Variants in NIBAN1 observed in about 807,000 individuals in gnomAD.
The protein encoded by NIBAN1 is niban apoptosis regulator 1, also known as protein Niban 1.
NIBAN1 carries 81 observed loss-of-function variants against 75.1 expected under a neutral mutation model. The observed-to-expected ratio is 1.08, with a 90% CI of 0.90 to 1.30. NIBAN1 has a LOEUF of 1.30. Among genes scored for constraint, NIBAN1 ranks in the 50% most tolerant of loss-of-function variants. The pLI is 0.00. For synonymous variants in NIBAN1, 436 were observed against 424.8 expected, an observed-to-expected ratio of 1.03 and a Z score of -0.32; for missense variants, 1,133 against 1,128.1, an observed-to-expected ratio of 1.00 and a Z score of -0.06.
chr1:184,826,978 GT>G (rs1654858778), intron 6 of NIBAN1, among the ~76,000 whole-genome samples: 2 of 152,188 alleles, frequency 1.3e-5, no homozygotes, highest in African/African-American at 4.8e-5. Flanking sequence ...CCTAGGGGCT[GT>G]TTCCCCCATA....
rs529883727 is a variant in NIBAN1 at position 184,903,110 on chromosome 1, C to T, written c.56-3801G>A. ...ATATCCCTGTCACCAAATTTAGTAT[C>T]ACATTCTCTTTCCTAAATTGTTTAT... On this transcript the variant is annotated intron_variant, in intron 1 of 13. Coordinates refer to ENST00000367511, the MANE Select transcript of NIBAN1 (RefSeq NM_052966.4). Among the ~76,000 whole-genome samples the T allele has an allele frequency of 2.6e-5, 4 of 152,318 alleles. No homozygotes were observed. In the East Asian group the frequency reaches 7.7e-4, roughly 29 times the overall value.
chr1:184,922,110 A>G (rs559193433), intron 1 of NIBAN1, among the ~76,000 whole-genome samples: 1 of 152,054 alleles, frequency 6.6e-6, no homozygotes, highest in East Asian at 1.9e-4. Flanking sequence ...TTAATTTTTA[A>G]TTTTTGTGGG....
chr1:184,911,794 C>T (rs1255849217), intron 1 of NIBAN1, among the ~76,000 whole-genome samples: 2 of 152,126 alleles, frequency 1.3e-5, no homozygotes, highest in Non-Finnish European at 2.9e-5. Context: ...ACTATAACAA[C>T]AGTTTGGTGT....
intron 1 of NIBAN1, among the ~76,000 whole-genome samples, chr1:184,941,048 C>T (rs868512784): frequency 1.3e-5 from 2 of 152,192 alleles, no homozygotes; most frequent in Non-Finnish European, 2.9e-5. Flanking sequence ...ATTTGATATA[C>T]ATTGCATTGA....
intron 5 of NIBAN1, among the ~76,000 whole-genome samples, chr1:184,857,399 G>T (rs1655707698): frequency 6.6e-6 from 1 of 152,184 alleles, no homozygotes; most frequent in African/African-American, 2.4e-5. Flanking sequence ...GTGAGTGTGA[G>T]TGGGCCTTCA....
chr1:184,868,268 A>T (rs764737855), intron 5 of NIBAN1: 9 of 164,740 alleles, frequency 5.5e-5, no homozygotes, highest in Non-Finnish European at 1.0e-4. Context: ...GTTTTAAAAA[A>T]TTCAGGTCAG....
rs1251237941 is a variant in NIBAN1, at chr1:184,874,773, G to C, written c.601+9860C>G. ...AGCATAGCAAAAAATCCACAGAGGA[G>C]GTCTACAGAAAATAAATAAATAAAT... On this transcript the variant is annotated intron_variant, in intron 5 of 13. Transcript: ENST00000367511. Among the ~76,000 whole-genome samples the C allele has an allele frequency of 2.0e-5, 3 of 151,646 alleles. No individual in the cohort carries two copies. In the East Asian group the frequency reaches 5.8e-4, roughly 29 times the overall value.
chr1:184,797,073 C>T (rs1188752389), intron 13 of NIBAN1, among the ~76,000 whole-genome samples: 1 of 151,212 alleles, frequency 6.6e-6, no homozygotes, highest in Non-Finnish European at 1.5e-5. Flanking sequence ...TTGTGATACT[C>T]AAGACCTTCC....
At chr1:184,955,674 C>T (rs1571602841) in intron 1 of NIBAN1, among the ~76,000 whole-genome samples, 1 of 152,164 alleles carries the variant, frequency 6.6e-6, no homozygotes, top group East Asian at 1.9e-4. Context: ...AGCCTATACC[C>T]TGCCTTCAAA....
intron 5 of NIBAN1, among the ~76,000 whole-genome samples, chr1:184,870,337 C>T (rs1437852093): frequency 6.6e-6 from 1 of 152,228 alleles, no homozygotes; most frequent in African/African-American, 2.4e-5. Flanking sequence ...ATTTCTCTAT[C>T]ATCTAACACA....
chr1:184,803,769 C>G (rs539533871), intron 11 of NIBAN1, 77 bp from the exon 12 acceptor site: 1 of 1,213,638 alleles, frequency 8.2e-7, no homozygotes, highest in Non-Finnish European at 1.2e-6. Flanking sequence ...ACTCAGCCAC[C>G]CACTTCACCT....
At chr1:184,891,374 C>G (rs1656661976) in intron 3 of NIBAN1, among the ~76,000 whole-genome samples, 1 of 152,134 alleles carries the variant, frequency 6.6e-6, no homozygotes, top group Non-Finnish European at 1.5e-5. Flanking sequence ...TCCCACAGAG[C>G]TACATTATAG....
chr1:184,823,941 C>T (rs766578153), intron 6 of NIBAN1, among the ~76,000 whole-genome samples, 199 bp from the exon 7 acceptor site: 4 of 152,194 alleles, frequency 2.6e-5, no homozygotes, highest in African/African-American at 9.7e-5. Flanking sequence ...CTTAAACATC[C>T]GCAAGGAACA....
chr1:184,872,374 A>G (rs1375595631), intron 5 of NIBAN1, among the ~76,000 whole-genome samples: 3 of 152,082 alleles, frequency 2.0e-5, no homozygotes, highest in African/African-American at 7.2e-5. Flanking sequence ...TTCAGGGAAA[A>G]AAAAAGAGAG....
intron 1 of NIBAN1, among the ~76,000 whole-genome samples, chr1:184,966,483 G>A (rs1658787655): frequency 2.0e-5 from 3 of 152,188 alleles, no homozygotes; most frequent in African/African-American, 4.8e-5. Flanking sequence ...CACCCAGCCT[G>A]GACCCAGTTC....
rs1379626725 is a variant in NIBAN1, at chr1:184,791,707, A to G, written c.*3270T>C. 1.3e-5 allele frequency: 2 copies of G among 152,192 alleles called. No homozygotes were observed. Among genetic ancestry groups the G allele is most frequent in the Non-Finnish European group, 2.9e-5 (2 of 68,030 alleles). The allele number at this position is 152,192 out of a possible 1,614,324, so 9.4% of individuals were successfully genotyped here. On this transcript the variant is annotated 3_prime_UTR_variant, in exon 14 of 14. Coordinates refer to ENST00000367511, the MANE Select transcript of NIBAN1 (RefSeq NM_052966.4). The stretch of plus-strand genomic sequence containing the variant: ...TTATGCATTTCTAATGGCTTTGCCC[A>G]TAGGAGAGATACCCAGAGTGGCAAA...
chr1:184,912,036 C>T (rs550626500), intron 1 of NIBAN1, among the ~76,000 whole-genome samples: 1 of 152,234 alleles, frequency 6.6e-6, no homozygotes, highest in South Asian at 2.1e-4. Flanking sequence ...ATTTTAGACT[C>T]TTACAACGTA....
chr1:184,880,597 G>A (rs1026031224), intron 5 of NIBAN1, among the ~76,000 whole-genome samples: 7 of 152,018 alleles, frequency 4.6e-5, no homozygotes, highest in Non-Finnish European at 1.0e-4. Context: ...TCCTCCTCCA[G>A]GAACACTTTT....
At chr1:184,831,695 C>T in intron 6 of NIBAN1, 152 bp downstream of exon 6, 1 of 625,106 alleles carries the variant, frequency 1.6e-6, no homozygotes, top group Non-Finnish European at 2.8e-6. Flanking sequence ...GTTTCCTGAC[C>T]AATGCTTGCA....
Sources: allele counts gnomAD v4.1 joint callset (sites outside exome capture counted in the v4.1 genomes callset), GRCh38; gene constraint gnomAD v4.1.1; transcripts MANE v1.5; gene names NCBI Gene and HGNC (gene_info 2026-07-23, HGNC 2026-07-21).